The following DMD variants were observed in gnomAD, a reference collection of about 807,000 sequenced individuals.
DMD encodes the protein mutant dystrophin.
A neutral mutation model predicts 330.1 loss-of-function variants in DMD; 63 were observed. The ratio of observed to expected loss-of-function variants is 0.19; its 90% CI spans 0.16 to 0.24. The LOEUF (loss-of-function observed/expected upper bound fraction) is 0.24, where lower values mean the gene tolerates loss of function less well. DMD is among the 10% of genes least tolerant of loss of function. DMD has a pLI of 1.00. For synonymous variants in DMD, 1,223 were observed against 959.8 expected, an observed-to-expected ratio of 1.27 and a Z score of -5.07; for missense variants, 3,344 against 2,684.1, an observed-to-expected ratio of 1.25 and a Z score of -5.43.
At chrX:32,395,312 C>G (rs1330737088) in intron 30 of DMD, among the ~76,000 whole-genome samples, 2 of 111,317 alleles carry the variant, frequency 1.8e-5, no homozygotes, top group South Asian at 7.6e-4. Context: ...TGCCCCTATA[C>G]TTACAGAAGC....
intron 47 of DMD, among the ~76,000 whole-genome samples, chrX:31,891,194 T>C (rs1301544771): frequency 9.0e-6 from 1 of 111,696 alleles, no homozygotes. Flanking sequence ...CATTGGCATA[T>C]GTGAAGTTGT....
At chrX:32,834,864 T>G (rs1437391268) in intron 4 of DMD, among the ~76,000 whole-genome samples, 1 of 111,279 alleles carries the variant, frequency 9.0e-6, no homozygotes, top group Non-Finnish European at 1.9e-5. Flanking sequence ...GTATGAATCT[T>G]TATAAAAGGG....
chrX:32,155,402 C>T (rs1251283843), intron 44 of DMD: 22 of 752,392 alleles, frequency 2.9e-5, no homozygotes, highest in Non-Finnish European at 3.4e-5. Flanking sequence ...CTCTTTCGGT[C>T]CCCACGGATG....
intron 2 of DMD, among the ~76,000 whole-genome samples, chrX:32,855,916 C>T (rs1002900997): frequency 9.0e-6 from 1 of 111,719 alleles, no homozygotes; most frequent in African/African-American, 3.3e-5. Flanking sequence ...AACTACCCAC[C>T]TGACAAGGAA....
chrX:31,907,654 T>A (rs1375962254), intron 47 of DMD, among the ~76,000 whole-genome samples: 1 of 111,956 alleles, frequency 8.9e-6, no homozygotes, highest in Non-Finnish European at 1.9e-5. Flanking sequence ...GACAAAGGCA[T>A]GGGCAAGGAC....
intron 7 of DMD, among the ~76,000 whole-genome samples, chrX:32,705,095 A>G (rs757724377): frequency 8.9e-6 from 1 of 112,377 alleles, no homozygotes; most frequent in African/African-American, 3.2e-5. Context: ...CATTGTACAT[A>G]CATGTATTCT....
chrX:32,273,231 T>TA (rs2097371842), intron 43 of DMD, among the ~76,000 whole-genome samples: 1 of 110,342 alleles, frequency 9.1e-6, no homozygotes, highest in African/African-American at 3.3e-5. Context: ...AGGGAAGGGT[T>TA]AACTAAAGAC....
At chrX:31,242,835 G>A (rs1375305409) in intron 63 of DMD, among the ~76,000 whole-genome samples, 4 of 109,906 alleles carry the variant, frequency 3.6e-5, no homozygotes, top group African/African-American at 6.6e-5. Flanking sequence ...ATTAATAAAC[G>A]ATACCACTAG....
chrX:31,539,211 C>T lies in DMD; in HGVS notation c.8218-31758G>A, dbSNP rs373322472. On this transcript the variant is annotated intron_variant, in intron 55 of 78. Coordinates refer to ENST00000357033, the MANE Select transcript of DMD (RefSeq NM_004006.3). ...ACTAGCCATGTCTTTCAGGGGTAAA[C>T]GAGACAGAAACGGAAGCCATTCACG... Among the ~76,000 whole-genome samples, 131 of 111,485 alleles carry T rather than the reference C, an allele frequency of 1.2e-3. 1 individual carries two copies. The highest frequency in any genetic ancestry group is 4.1e-3 in the African/African-American group (127 of 30,686).
Position 32,707,457 on chromosome X carries a change from A to G in DMD, c.650-8164T>C, listed in dbSNP as rs764269751. ...AGCAAATGCACAGAAGCTGGTGGGG[A>G]AAAGTCAGTTAAATGAAAATTCGCA... On this transcript the variant is annotated intron_variant, in intron 7 of 78. Coordinates refer to ENST00000357033, the MANE Select transcript of DMD (RefSeq NM_004006.3). 4.1e-4 allele frequency among the ~76,000 whole-genome samples: 46 copies of G among 111,730 alleles called. No homozygotes were observed. In the East Asian group the frequency reaches 6.5e-3, roughly 16 times the overall value.
intron 55 of DMD, among the ~76,000 whole-genome samples, chrX:31,617,534 CAA>C (rs749572753): frequency 0.031 from 1,001 of 31,801 alleles, 5 homozygotes; most frequent in African/African-American, 0.1. Context: ...GACTTCGTCT[CAA>C]AAAAAAAAAA....
intron 7 of DMD, among the ~76,000 whole-genome samples, chrX:32,753,759 T>C (rs1188660052): frequency 4.5e-5 from 5 of 112,333 alleles, no homozygotes; most frequent in Non-Finnish European, 7.5e-5. Context: ...TATAATACAA[T>C]GTTAGTTCTC....
intron 13 of DMD, among the ~76,000 whole-genome samples, chrX:32,574,981 T>C (rs1183999169): frequency 9.2e-6 from 1 of 109,143 alleles, no homozygotes; most frequent in Admixed American, 9.9e-5. Flanking sequence ...CACTGCAACC[T>C]CCACCTCCTG....
chrX:31,473,783 T>C (rs2067519219), intron 59 of DMD, among the ~76,000 whole-genome samples: 1 of 108,580 alleles, frequency 9.2e-6, no homozygotes, highest in African/African-American at 3.4e-5. Flanking sequence ...AGAACAAAAA[T>C]CTTGTATCCA....
intron 44 of DMD, among the ~76,000 whole-genome samples, chrX:31,970,260 A>T (rs930442640): frequency 1.8e-5 from 2 of 110,254 alleles, no homozygotes; most frequent in Admixed American, 1.9e-4. Context: ...GGAAGAAAAG[A>T]AGGGAGGAAA....
chrX:33,023,665 A>T (rs2093952759), intron 1 of DMD, among the ~76,000 whole-genome samples: 1 of 111,903 alleles, frequency 8.9e-6, no homozygotes, highest in Non-Finnish European at 1.9e-5. Flanking sequence ...TGGCTCATTT[A>T]TCTATTGAGC....
intron 44 of DMD, among the ~76,000 whole-genome samples, chrX:32,192,514 A>G (rs182824750): frequency 7.1e-5 from 8 of 112,096 alleles, no homozygotes; most frequent in African/African-American, 2.3e-4. Flanking sequence ...AGTAAATGTT[A>G]CTTAAATGTA....
At chrX:32,170,353 T>A (rs1380356765) in intron 44 of DMD, among the ~76,000 whole-genome samples, 1 of 108,955 alleles carries the variant, frequency 9.2e-6, no homozygotes, top group Non-Finnish European at 1.9e-5. Flanking sequence ...ACACCTGTAA[T>A]CCCAGCTATT....
rs181569711 is a variant in DMD, at chrX:32,326,247, C to A, written c.5922+15853G>T. Among the ~76,000 whole-genome samples the A allele has an allele frequency of 3.6e-3, 398 of 111,709 alleles. 3 individuals are homozygous for A. The highest frequency in any genetic ancestry group is 0.035 in the South Asian group (95 of 2,691). On this transcript the variant is annotated intron_variant, in intron 41 of 78. Coordinates refer to ENST00000357033, the MANE Select transcript of DMD (RefSeq NM_004006.3). ...ATTCTATTCTTCTTTGAAATATGCA[C>A]AACAATTTCATATACCTGCAATAAA...
Sources: gnomAD v4.1 joint callset for allele counts (sites outside exome capture counted in the v4.1 genomes callset) on GRCh38, gnomAD v4.1.1 for gene constraint, MANE v1.5 for transcripts, NCBI Gene and HGNC (gene_info 2026-07-23, HGNC 2026-07-21) for gene names.